Variants in CCDC88C observed in about 807,000 individuals in gnomAD.
CCDC88C encodes the protein coiled-coil and HOOK domain protein 88C.
A neutral mutation model predicts 198.8 loss-of-function variants in CCDC88C; 131 were observed. The observed-to-expected ratio is 0.66, with a 90% confidence interval of 0.57 to 0.76. The LOEUF (loss-of-function observed/expected upper bound fraction) is 0.76, where lower values mean the gene tolerates loss of function less well. Among genes scored for constraint, CCDC88C ranks in the 30% least tolerant of loss-of-function variants. The pLI, the probability that CCDC88C is intolerant of heterozygous loss-of-function variation, is 0.00. For missense variants in CCDC88C, 2,553 were observed against 2,631.6 expected, an observed-to-expected ratio of 0.97 and a Z score of 0.65; for synonymous variants, 1,166 against 1,114.7, an observed-to-expected ratio of 1.05 and a Z score of -0.92.
At chr14:91,280,418 G>C (rs541479557) in intron 27 of CCDC88C, among the ~76,000 whole-genome samples, 1 of 152,120 alleles carries the variant, frequency 6.6e-6, no homozygotes, top group East Asian at 1.9e-4. Flanking sequence ...TGGTGATAGC[G>C]AATAGCCTAA....
chr14:91,350,245 C>T (rs1220010430), intron 4 of CCDC88C, among the ~76,000 whole-genome samples: 1 of 151,952 alleles, frequency 6.6e-6, no homozygotes, highest in Non-Finnish European at 1.5e-5. Flanking sequence ...ACTGCAAACT[C>T]CGCCTCCCGG....
Position 91,273,213 on chromosome 14 carries a change from C to T in CCDC88C, c.5499G>A (p.Glu1833=). The change falls in exon 30 of 30, where the codon GAG becomes GAA. Residue 1833 remains glutamate, a synonymous_variant. Transcript: ENST00000389857. This position sits in a 1 kb window ranked among gnomAD's most constrained non-coding sequence, Gnocchi z 5.6. The stretch of plus-strand genomic sequence containing the variant: ...TGCCTGTCTCTCTGCCCCCTAAGGC[C>T]TCAGGAGCCCCCAGCTTCTGAGGGG... ...QESPQKLGAP[E]ALGGRETGSH... is the part of the protein sequence containing the mutation. 6.4e-7 allele frequency: 1 copy of T among 1,565,734 alleles called. No homozygotes were observed. Among genetic ancestry groups the T allele is most frequent in the Non-Finnish European group, 8.7e-7 (1 of 1,155,222 alleles).
At chr14:91,342,838 C>G (rs1767333404) in intron 5 of CCDC88C, among the ~76,000 whole-genome samples, 1 of 152,200 alleles carries the variant, frequency 6.6e-6, no homozygotes, top group Admixed American at 6.5e-5. Flanking sequence ...TGTAAAAAGC[C>G]AGATGGTAAA....
In CCDC88C at chr14:91,339,054, G is replaced by A. The variant is rs1166845632; in HGVS notation, c.809+224C>T. On this transcript the variant is annotated intron_variant, in intron 8 of 29. Transcript: ENST00000389857. This position sits in a 1 kb window ranked among gnomAD's most constrained non-coding sequence, Gnocchi z 5.8. ...ACAACTTGCACCGTCTGGACGGGAG[G>A]AAACCCTGAAGACCGGGAAGAATCC... is the stretch of plus-strand genomic sequence containing the variant. 1.6e-6 allele frequency: 1 copy of A among 638,746 alleles called. No individual in the cohort carries two copies. The highest frequency in any genetic ancestry group is 2.8e-5 in the East Asian group (1 of 35,890). 39.6% of individuals were successfully genotyped at this position (638,746 alleles called of 1,614,324 possible). A position where few individuals can be genotyped will look rare whatever the true frequency, so the allele number is the denominator to read the frequency against.
rs1400946203 is a variant in CCDC88C at position 91,293,127 on chromosome 14, C to A, written c.4112+1046G>T. On this transcript the variant is annotated intron_variant, in intron 23 of 29. Coordinates refer to ENST00000389857, the MANE Select transcript of CCDC88C (RefSeq NM_001080414.4). ...CGGCCCACCTTCCCGTCCTCACTTG[C>A]CACAGCCCACCTTCCCATCCTCACC... Among the ~76,000 whole-genome samples, 3 of 144,706 alleles carry A rather than the reference C, an allele frequency of 2.1e-5. No homozygotes were observed. The East Asian group carries it at 6.4e-4, about 31-fold the overall frequency. The allele number at this position is 144,706 out of a possible 152,430, so 94.9% of individuals were successfully genotyped here. A position where few individuals can be genotyped will look rare whatever the true frequency, so the allele number is the denominator to read the frequency against.
intron 2 of CCDC88C, among the ~76,000 whole-genome samples, chr14:91,416,347 G>A (rs922352383): frequency 6.6e-6 from 1 of 152,080 alleles, no homozygotes; most frequent in Non-Finnish European, 1.5e-5. Context: ...AGTAACCCTC[G>A]GATGCCTGGG....
At position 91,272,820 on chromosome 14, in the gene CCDC88C, C is replaced by T. The variant is rs764386003; in HGVS notation, c.5892G>A (p.Glu1964=). 3.8e-6 allele frequency: 6 copies of T among 1,596,280 alleles called. No homozygotes were observed. The Admixed American group carries it at 1.0e-4, about 27-fold the overall frequency. ...TPVRAGLSLS[E]GDGVPGQGCS... is the part of the protein sequence containing the mutation. ...AGCCCTGCCCCGGGACCCCGTCTCC[C>T]TCTGAGAGGCTGAGCCCTGCCCGGA... The change falls in exon 30 of 30, where the codon GAG becomes GAA. Residue 1964 remains glutamate (E), a synonymous_variant. Coordinates refer to ENST00000389857, the MANE Select transcript of CCDC88C (RefSeq NM_001080414.4).
intron 3 of CCDC88C, among the ~76,000 whole-genome samples, chr14:91,392,785 ACCCCTCACTCTCACTGAG>A (rs1885594101): frequency 6.8e-6 from 1 of 147,312 alleles, no homozygotes. Flanking sequence ...CTCTCACTGC[ACCCCTCACTCTCACTGAG>A]CCCCCTCACT....
At chr14:91,368,395 T>C (rs1041311594) in intron 3 of CCDC88C, among the ~76,000 whole-genome samples, 1 of 152,230 alleles carries the variant, frequency 6.6e-6, no homozygotes, top group Non-Finnish European at 1.5e-5. Flanking sequence ...AAGTAGAAGA[T>C]TGAATATAGA....
intron 3 of CCDC88C, among the ~76,000 whole-genome samples, chr14:91,365,012 G>A (rs1894467870): frequency 3.3e-5 from 5 of 152,212 alleles, no homozygotes; most frequent in Admixed American, 2.6e-4. Context: ...CGCCTGGTTA[G>A]GGAGTGACGC....
At chr14:91,321,366 C>T (rs2048717260) in intron 12 of CCDC88C, 62 bp from the exon 13 acceptor site, 1 of 1,510,366 alleles carries the variant, frequency 6.6e-7, no homozygotes, top group African/African-American at 1.4e-5. Flanking sequence ...CTCTCTGCCC[C>T]AAGCTCCGAG....
chr14:91,296,096 G>A (rs1890991129), intron 22 of CCDC88C, among the ~76,000 whole-genome samples: 1 of 152,188 alleles, frequency 6.6e-6, no homozygotes, highest in Non-Finnish European at 1.5e-5. Flanking sequence ...CCGGCTTGAG[G>A]TCTTTTGCTC....
intron 16 of CCDC88C, among the ~76,000 whole-genome samples, chr14:91,308,863 T>C (rs1751777175): frequency 6.6e-6 from 1 of 152,164 alleles, no homozygotes; most frequent in Non-Finnish European, 1.5e-5. Flanking sequence ...CAGAGAGGAC[T>C]CCTACTATAA....
At chr14:91,286,943 A>T (rs1166675333) in intron 25 of CCDC88C, among the ~76,000 whole-genome samples, 1 of 152,208 alleles carries the variant, frequency 6.6e-6, no homozygotes. Flanking sequence ...TGAGATGCAT[A>T]AAGCACATAA....
At chr14:91,355,533 C>T (rs141544722) in intron 4 of CCDC88C, among the ~76,000 whole-genome samples, 1 of 152,264 alleles carries the variant, frequency 6.6e-6, no homozygotes, top group Non-Finnish European at 1.5e-5. Flanking sequence ...AGCTGCAAAA[C>T]CACAGCACCA....
At chr14:91,349,497 G>A (rs185000959) in intron 4 of CCDC88C, among the ~76,000 whole-genome samples, 4 of 152,294 alleles carry the variant, frequency 2.6e-5, no homozygotes, top group Non-Finnish European at 5.9e-5. Flanking sequence ...ATAAAACGAC[G>A]TGAATTTCTA....
At chr14:91,363,005 G>C (rs1802936799) in intron 3 of CCDC88C, among the ~76,000 whole-genome samples, 1 of 151,702 alleles carries the variant, frequency 6.6e-6, no homozygotes, top group Non-Finnish European at 1.5e-5. Flanking sequence ...AAAACACCAT[G>C]GTTCTCCTAA....
rs998458477 is a variant in CCDC88C at position 91,272,014 on chromosome 14, C to T, written c.*611G>A. ...TGGGGGCAAATGGCCAAGGCCACCG[C>T]CAGCTGCCCTGCAGGCTGCCCTGGG... On this transcript the variant is annotated 3_prime_UTR_variant, in exon 30 of 30. Coordinates refer to ENST00000389857, the MANE Select transcript of CCDC88C (RefSeq NM_001080414.4). The T allele has an allele frequency of 5.2e-5, 8 of 152,766 alleles. No homozygotes were observed. The highest frequency in any genetic ancestry group is 1.9e-4 in the African/African-American group (8 of 41,474). The allele number at this position is 152,766 out of a possible 1,614,324, so 9.5% of individuals were successfully genotyped here.
At chr14:91,356,716 T>C (rs1894051961) in intron 4 of CCDC88C, among the ~76,000 whole-genome samples, 1 of 152,128 alleles carries the variant, frequency 6.6e-6, no homozygotes, top group South Asian at 2.1e-4. Flanking sequence ...AAAATCAGCA[T>C]CCACATCTTT....
Sources: gnomAD v4.1 joint callset for allele counts (sites outside exome capture counted in the v4.1 genomes callset) on GRCh38, gnomAD v4.1.1 for gene constraint, Gnocchi (gnomAD v3.1) non-coding constraint, MANE v1.5 for transcripts, NCBI Gene and HGNC (gene_info 2026-07-23, HGNC 2026-07-21) for gene names.